CSMD1: variants seen among roughly 807,000 people sequenced by gnomAD.
CSMD1 encodes the protein CUB and sushi domain-containing protein 1.
A neutral mutation model predicts 417.5 loss-of-function variants in CSMD1; 213 were observed. The ratio of observed to expected loss-of-function variants is 0.51; its 90% CI spans 0.46 to 0.57. The LOEUF is 0.57. Among genes scored for constraint, CSMD1 ranks in the 20% least tolerant of loss-of-function variants. The pLI is 0.00. For missense variants in CSMD1, 6,923 were observed against 4,529.7 expected, an observed-to-expected ratio of 1.53 and a Z score of -15.17; for synonymous variants, 2,862 against 1,736.8, an observed-to-expected ratio of 1.65 and a Z score of -16.11.
chr8:3,829,657 T>G (rs911189964), intron 5 of CSMD1, among the ~76,000 whole-genome samples: 5 of 152,216 alleles, frequency 3.3e-5, no homozygotes, highest in African/African-American at 1.2e-4. Context: ...AGATGTTCTA[T>G]GATGCAAATG....
At chr8:3,597,508 T>A (rs1383669436) in intron 8 of CSMD1, among the ~76,000 whole-genome samples, 2 of 152,174 alleles carry the variant, frequency 1.3e-5, no homozygotes, top group Non-Finnish European at 2.9e-5. Flanking sequence ...GCAGCTGAGA[T>A]AAAACATGAG....
chr8:3,480,318 T>C (rs1453920970), intron 11 of CSMD1, among the ~76,000 whole-genome samples: 2 of 152,122 alleles, frequency 1.3e-5, no homozygotes, highest in South Asian at 2.1e-4. Flanking sequence ...GCACAGATCG[T>C]GCCACTGCAC....
At chr8:4,618,094 C>T (rs1321190291) in intron 2 of CSMD1, among the ~76,000 whole-genome samples, 1 of 152,096 alleles carries the variant, frequency 6.6e-6, no homozygotes, top group Non-Finnish European at 1.5e-5. Context: ...TTGGTACAAT[C>T]TGCCGAGGTG....
chr8:4,957,412 G>A (rs1297870675), intron 1 of CSMD1, among the ~76,000 whole-genome samples: 6 of 152,198 alleles, frequency 3.9e-5, no homozygotes, highest in East Asian at 1.9e-4. Context: ...GGGCACTATG[G>A]TCGGAAACCC....
intron 3 of CSMD1, among the ~76,000 whole-genome samples, chr8:4,193,311 T>A (rs17069326): frequency 0.028 from 4,234 of 152,228 alleles, 213 homozygotes; most frequent in African/African-American, 0.096. Flanking sequence ...AATGAAAACC[T>A]TGCTTTCAAA....
chr8:3,211,340 T>C (rs892801628), intron 30 of CSMD1, among the ~76,000 whole-genome samples: 1 of 152,210 alleles, frequency 6.6e-6, no homozygotes, highest in Non-Finnish European at 1.5e-5. Flanking sequence ...CAGCTTTGTC[T>C]GGTCTAAAAT....
At chr8:3,436,466 T>C (rs898382483) in intron 12 of CSMD1, among the ~76,000 whole-genome samples, 2 of 152,216 alleles carry the variant, frequency 1.3e-5, no homozygotes, top group African/African-American at 4.8e-5. Flanking sequence ...AAATAGTGCC[T>C]GGCACACAAT....
At chr8:4,992,825 G>C (rs945363006) in intron 1 of CSMD1, among the ~76,000 whole-genome samples, 9 of 152,240 alleles carry the variant, frequency 5.9e-5, no homozygotes, top group African/African-American at 2.2e-4. Flanking sequence ...AAGCTCCCCA[G>C]TCCCGAGCGA....
rs560218735 is a variant in CSMD1 at position 3,674,598 on chromosome 8, C to G, written c.1009+33816G>C. On this transcript the variant is annotated intron_variant, in intron 7 of 69. Transcript: ENST00000635120. The stretch of plus-strand genomic sequence containing the variant: ...TAAGCTACTGCAAAATATATTATAA[C>G]TCCAGATTCTAGATATTAATATCCT... Among the ~76,000 whole-genome samples, 45 of 150,148 alleles carry G rather than the reference C, an allele frequency of 3.0e-4. No homozygotes were observed. The East Asian group carries it at 8.2e-3, about 27-fold the overall frequency.
chr8:4,330,477 C>T (rs540179470), intron 3 of CSMD1, among the ~76,000 whole-genome samples: 1 of 151,742 alleles, frequency 6.6e-6, no homozygotes, highest in South Asian at 2.1e-4. Flanking sequence ...GTAAACCCAG[C>T]TACTTAGGAG....
At chr8:4,604,984 G>T (rs1232535119) in intron 2 of CSMD1, among the ~76,000 whole-genome samples, 2 of 152,152 alleles carry the variant, frequency 1.3e-5, no homozygotes, top group Admixed American at 1.3e-4. Flanking sequence ...TACGAGTAAG[G>T]CTTCCTGTGG....
intron 3 of CSMD1, among the ~76,000 whole-genome samples, chr8:4,049,793 G>C (rs575472297): frequency 3.3e-5 from 5 of 152,226 alleles, no homozygotes; most frequent in African/African-American, 9.6e-5. Context: ...CTTACTGTTA[G>C]CATCTTAGCT....
Position 3,359,540 on chromosome 8 carries a change from AT to A in CSMD1, c.3116-201del, listed in dbSNP as rs35776750. On this transcript the variant is annotated intron_variant, in intron 20 of 69. Coordinates refer to ENST00000635120, the MANE Select transcript of CSMD1 (RefSeq NM_033225.6). ...TATGACAAATGACATGGGATTTAGT[AT>A]TTTTTTTTTTTTAAGAATTGACAGG... 1.9e-3 allele frequency among the ~76,000 whole-genome samples: 269 copies of A among 143,486 alleles called. 1 individual carries two copies. Among genetic ancestry groups the A allele is most frequent in the Middle Eastern group, 7.3e-3 (2 of 274 alleles). The allele number at this position is 143,486 out of a possible 152,430, so 94.1% of individuals were successfully genotyped here.
chr8:4,497,088 C>T (rs944096168), intron 2 of CSMD1, among the ~76,000 whole-genome samples: 3 of 152,178 alleles, frequency 2.0e-5, no homozygotes, highest in East Asian at 3.9e-4. Flanking sequence ...CAGACGCCAT[C>T]GACATTTCAG....
chr8:4,231,460 A>T (rs1447286990), intron 3 of CSMD1, among the ~76,000 whole-genome samples: 1 of 152,076 alleles, frequency 6.6e-6, no homozygotes, highest in Non-Finnish European at 1.5e-5. Flanking sequence ...GACATTAGAC[A>T]GTGAACTCTC....
At chr8:2,982,856 T>A (rs1805540225) in intron 54 of CSMD1, among the ~76,000 whole-genome samples, 1 of 152,166 alleles carries the variant, frequency 6.6e-6, no homozygotes, top group African/African-American at 2.4e-5. Context: ...CAGCTGTTGA[T>A]CAATAGAAAC....
chr8:4,128,766 C>T (rs990805402), intron 3 of CSMD1, among the ~76,000 whole-genome samples: 1 of 152,120 alleles, frequency 6.6e-6, no homozygotes, highest in African/African-American at 2.4e-5. Context: ...CTCACACCCA[C>T]ACACCATCAA....
At chr8:4,311,055 T>G (rs1456730924) in intron 3 of CSMD1, among the ~76,000 whole-genome samples, 1 of 151,840 alleles carries the variant, frequency 6.6e-6, no homozygotes, top group Non-Finnish European at 1.5e-5. Flanking sequence ...CTGGTGGGAG[T>G]GTAAATTAGT....
At chr8:3,194,274 C>G (rs1796578310) in intron 33 of CSMD1, among the ~76,000 whole-genome samples, 1 of 152,050 alleles carries the variant, frequency 6.6e-6, no homozygotes, top group African/African-American at 2.4e-5. Flanking sequence ...GAAAATCAAT[C>G]AAAACATGTA....
Sources: allele counts gnomAD v4.1 joint callset (sites outside exome capture counted in the v4.1 genomes callset), GRCh38; gene constraint gnomAD v4.1.1; transcripts MANE v1.5; gene names NCBI Gene and HGNC (gene_info 2026-07-23, HGNC 2026-07-21).